Variants in VIPR2 observed in about 807,000 individuals in gnomAD.
VIPR2 encodes the protein vasoactive intestinal polypeptide receptor 2.
VIPR2 carries 48 observed loss-of-function variants against 58.0 expected under a neutral mutation model. The ratio of observed to expected loss-of-function variants is 0.83; its 90% CI spans 0.66 to 1.05. The LOEUF is 1.05. Among genes scored for constraint, VIPR2 ranks in the 50% least tolerant of loss-of-function variants. The pLI is 0.00. For synonymous variants in VIPR2, 243 were observed against 235.2 expected (o/e 1.03, Z -0.30); for missense variants, 534 against 558.0 (o/e 0.96, Z 0.43).
chr7:159,039,768 T>G (rs1024783609), intron 6 of VIPR2, among the ~76,000 whole-genome samples: 1 of 152,156 alleles, frequency 6.6e-6, no homozygotes, highest in Non-Finnish European at 1.5e-5. Context: ...CACACGTGGA[T>G]GGAGACACCC....
At chr7:159,063,753 G>A (rs1855872927) in intron 4 of VIPR2, among the ~76,000 whole-genome samples, 1 of 139,522 alleles carries the variant, frequency 7.2e-6, no homozygotes, top group African/African-American at 2.9e-5. Flanking sequence ...GGGATCTGGG[G>A]GACCTGGCGG....
At chr7:159,124,243 T>A (rs1796577392) in intron 2 of VIPR2, among the ~76,000 whole-genome samples, 1 of 152,246 alleles carries the variant, frequency 6.6e-6, no homozygotes, top group Non-Finnish European at 1.5e-5. Flanking sequence ...CAGGATGCTA[T>A]TGCCTAGGTT....
At chr7:159,105,619 AC>A (rs1475542285) in intron 3 of VIPR2, among the ~76,000 whole-genome samples, 1 of 152,120 alleles carries the variant, frequency 6.6e-6, no homozygotes, top group East Asian at 1.9e-4. Context: ...GCCCACTGGC[AC>A]CCCGACACCA....
At position 159,032,074 on chromosome 7, in the gene VIPR2, A is replaced by C; in HGVS notation, c.972-7T>G. ...CGTGGACTTGGCCAGCCTCCTGCACAGAAGGAGATGAGCCAGCTCAGCTGC... is the reference window on the plus strand; with the variant it reads ...CGTGGACTTGGCCAGCCTCCTGCACCGAAGGAGATGAGCCAGCTCAGCTGC... On this transcript the variant is annotated splice_region_variant and splice_polypyrimidine_tract_variant and intron_variant, in intron 10 of 12. Transcript: ENST00000262178. 6.2e-7 allele frequency: 1 copy of C among 1,613,646 alleles called. No individual in the cohort carries two copies. The highest frequency in any genetic ancestry group is 8.5e-7 in the Non-Finnish European group (1 of 1,179,770).
At chr7:159,101,095 C>A (rs527885753) in intron 4 of VIPR2, among the ~76,000 whole-genome samples, 1 of 144,210 alleles carries the variant, frequency 6.9e-6, no homozygotes, top group African/African-American at 2.6e-5. Context: ...ACGGGTCTCA[C>A]GAGATCCGAC....
intron 2 of VIPR2, among the ~76,000 whole-genome samples, chr7:159,138,180 A>G (rs1426343800): frequency 2.0e-5 from 3 of 152,230 alleles, no homozygotes; most frequent in Admixed American, 6.5e-5. Context: ...GCAGCCACAC[A>G]GGGCCTTGGA....
rs1585580684 is a variant in VIPR2 at position 159,142,466 on chromosome 7, G to A, written c.131C>T (p.Ser44Phe). Residue 44 changes from serine to phenylalanine, a missense_variant, in exon 2 of 13, where the codon TCT becomes TTT. By Grantham distance (155) the Ser-to-Phe change is radical (BLOSUM62 -2). This residue lies in a region of VIPR2 where 224 missense variants were observed against 255.7 expected (regional missense o/e 0.88). Transcript: ENST00000262178. ...EETKCAELLRSQTEKHKACSG... is the reference protein window; with the variant it reads ...EETKCAELLRFQTEKHKACSG... ...CTTACCTTTGTGTTTTTCTGTTTGA[G>A]ACCTCAGAAGCTCTGCACATTTTGT... 6.2e-7 allele frequency: 1 copy of A among 1,613,632 alleles called. No individual in the cohort carries two copies. The highest frequency in any genetic ancestry group is 2.2e-5 in the East Asian group (1 of 44,858).
At position 159,090,485 on chromosome 7, in the gene VIPR2, C is replaced by T. The variant is rs1857419114; in HGVS notation, c.357+13272G>A. Among the ~76,000 whole-genome samples the T allele has an allele frequency of 5.1e-5, 4 of 77,924 alleles. No individual in the cohort carries two copies. The South Asian group carries it at 1.4e-3, about 28-fold the overall frequency. The allele number at this position is 77,924 out of a possible 152,430, so 51.1% of individuals were successfully genotyped here. ...CCTCAGCACAGACACGCTGGGATCA[C>T]GCACAGGGGCCACCTCCTGCGACCA... On this transcript the variant is annotated intron_variant, in intron 4 of 12. Transcript: ENST00000262178.
chr7:159,032,085 A>G lies in VIPR2; in HGVS notation c.972-18T>C. The stretch of plus-strand genomic sequence containing the variant: ...CCAGCCTCCTGCACAGAAGGAGATG[A>G]GCCAGCTCAGCTGCTGGACCCTCGG... On this transcript the variant is annotated intron_variant, in intron 10 of 12. Coordinates refer to ENST00000262178, the MANE Select transcript of VIPR2 (RefSeq NM_003382.5). 2 of 1,613,668 alleles carry G rather than the reference A, an allele frequency of 1.2e-6. No individual in the cohort carries two copies. Among genetic ancestry groups the G allele is most frequent in the Non-Finnish European group, 1.7e-6 (2 of 1,179,970 alleles).
At chr7:159,036,678 A>G (rs1853979403) in intron 7 of VIPR2, 74 bp downstream of exon 7, 1 of 1,508,868 alleles carries the variant, frequency 6.6e-7, no homozygotes, top group Non-Finnish European at 8.9e-7. Flanking sequence ...GTGTTTTCTG[A>G]GCTGAAAATG....
intron 4 of VIPR2, among the ~76,000 whole-genome samples, chr7:159,063,964 C>T (rs1457092146): frequency 1.3e-5 from 2 of 150,256 alleles, no homozygotes; most frequent in East Asian, 4.0e-4. Context: ...GTCCGGGGGT[C>T]GTGGAGCACC....
At chr7:159,143,761 A>G (rs1797570783) in intron 1 of VIPR2, among the ~76,000 whole-genome samples, 1 of 152,276 alleles carries the variant, frequency 6.6e-6, no homozygotes, top group African/African-American at 2.4e-5. Flanking sequence ...CGTTCCTGGA[A>G]TATGCACAGC....
At chr7:159,117,321 T>G in intron 2 of VIPR2, 2 of 717,504 alleles carry the variant, frequency 2.8e-6, no homozygotes, top group Non-Finnish European at 5.2e-6. Context: ...ATAAAAGCAC[T>G]GGTCATGGAG....
Position 159,128,963 on chromosome 7 carries a change from G to T in VIPR2, c.151+13483C>A, listed in dbSNP as rs374732193. 6.6e-6 allele frequency among the ~76,000 whole-genome samples: 1 copy of T among 152,308 alleles called. No individual in the cohort carries two copies. Among genetic ancestry groups the T allele is most frequent in the Middle Eastern group, 3.4e-3 (1 of 294 alleles). On this transcript the variant is annotated intron_variant, in intron 2 of 12. Transcript: ENST00000262178. This position sits in a 1 kb window ranked among gnomAD's most constrained non-coding sequence, Gnocchi z 4.1. ...CAGGGCAAAGCCAGCCCGAGCGCCA[G>T]TGTAAATGCACCCCCTCCCTCCTGT...
At chr7:159,106,805 ACAGAGAGAGGCCGGGGAGATG>A (rs1795753795) in intron 3 of VIPR2, among the ~76,000 whole-genome samples, 1 of 118,732 alleles carries the variant, frequency 8.4e-6, no homozygotes, top group South Asian at 3.2e-4. Flanking sequence ...CCGGGGAGGT[ACAGAGAGAGGCCGGGGAGATG>A]CAGAGAGAGG....
chr7:159,034,061 G>A, intron 10 of VIPR2, 152 bp downstream of exon 10: 1 of 688,082 alleles, frequency 1.5e-6, no homozygotes, highest in Non-Finnish European at 2.4e-6. Context: ...TCTGAGCCTT[G>A]GGCAGGAGCA....
intron 4 of VIPR2, among the ~76,000 whole-genome samples, chr7:159,086,232 T>C (rs1366970051): frequency 6.6e-6 from 1 of 152,164 alleles, no homozygotes; most frequent in Non-Finnish European, 1.5e-5. Flanking sequence ...CCTGGGGTGG[T>C]TCCATCTTAA....
chr7:159,140,778 C>T (rs1237465541), intron 2 of VIPR2, among the ~76,000 whole-genome samples: 1 of 152,202 alleles, frequency 6.6e-6, no homozygotes, highest in Non-Finnish European at 1.5e-5. Context: ...ATGACTCACA[C>T]ACGGACTGCC....
At chr7:159,134,814 C>G (rs56032001) in intron 2 of VIPR2, among the ~76,000 whole-genome samples, 15,882 of 151,574 alleles carry the variant, frequency 0.1, 976 homozygotes, top group East Asian at 0.16. Context: ...CCCGCCACCA[C>G]GCCCGGCTAA....
Sources: gnomAD v4.1 joint callset for allele counts (sites outside exome capture counted in the v4.1 genomes callset) on GRCh38, gnomAD v4.1.1 for gene constraint, gnomAD v4.1.1 regional missense constraint, Gnocchi (gnomAD v3.1) non-coding constraint, MANE v1.5 for transcripts, NCBI Gene and HGNC (gene_info 2026-07-23, HGNC 2026-07-21) for gene names.